The following WDFY4 variants were observed in gnomAD, a reference collection of about 807,000 sequenced individuals.
The protein encoded by WDFY4 is WD repeat- and FYVE domain-containing protein 4.
Under a neutral mutation model 351.9 loss-of-function variants are expected in WDFY4, and 169 were observed. The observed-to-expected ratio is 0.48, with a 90% CI of 0.42 to 0.55. The LOEUF is 0.55. Among genes scored for constraint, WDFY4 ranks in the 20% least tolerant of loss-of-function variants. The probability of loss-of-function intolerance (pLI) is 0.00; values close to 1 mark genes in which losing one functional copy is unlikely to be tolerated. For missense variants in WDFY4, 3,803 were observed against 3,935.6 expected (o/e 0.97, Z 0.90); for synonymous variants, 1,622 against 1,574.6 (o/e 1.03, Z -0.71).
chr10:48,865,360 T>C (rs1420799542), intron 39 of WDFY4, among the ~76,000 whole-genome samples: 1 of 152,220 alleles, frequency 6.6e-6, no homozygotes, highest in South Asian at 2.1e-4. Context: ...TATTATGTGG[T>C]GTAGTACATT....
Position 48,797,535 on chromosome 10 carries a change from A to T in WDFY4, c.4410+1085A>T, listed in dbSNP as rs114595187. Among the ~76,000 whole-genome samples, 591 of 152,360 alleles carry T rather than the reference A, an allele frequency of 3.9e-3. 4 individuals are homozygous for T. The highest frequency in any genetic ancestry group is 0.014 in the African/African-American group (568 of 41,582). On this transcript the variant is annotated intron_variant, in intron 24 of 61. Transcript: ENST00000325239. ...CATTTTTAAAATCATAGTCATGATTATACTGTAGGTTATTTTGAGTCTAGT... is the reference window on the plus strand; with the variant it reads ...CATTTTTAAAATCATAGTCATGATTTTACTGTAGGTTATTTTGAGTCTAGT...
Position 48,877,034 on chromosome 10 carries a change from T to C in WDFY4, c.7002T>C (p.Asp2334=). The C allele has an allele frequency of 6.8e-7, 1 of 1,481,032 alleles. No homozygotes were observed. The highest frequency in any genetic ancestry group is 9.0e-7 in the Non-Finnish European group (1 of 1,113,324). 91.7% of individuals were successfully genotyped at this position (1,481,032 alleles called of 1,614,324 possible). The change falls in exon 43 of 62, where the codon GAT becomes GAC. Residue 2334 remains aspartate (D), a splice_region_variant and synonymous_variant. Transcript: ENST00000325239. ...HISQTNAENQ[D]ELTLREAEGE... ...ACGTGTCCCTTTATGCTGCTGCAGA[T>C]GAACTGACACTGAGGGAGGCTGAGG...
intron 2 of WDFY4, among the ~76,000 whole-genome samples, chr10:48,716,643 C>A (rs188165938): frequency 6.6e-6 from 1 of 152,310 alleles, no homozygotes; most frequent in Admixed American, 6.5e-5. Context: ...AGGAAGGAGT[C>A]TGGGCCTTGG....
At chr10:48,745,855 C>T (rs973583180) in intron 12 of WDFY4, 1 of 322,366 alleles carries the variant, frequency 3.1e-6, no homozygotes, top group African/African-American at 2.2e-5. Flanking sequence ...GCAGCCTGGC[C>T]TCGCTGGGCC....
chr10:48,979,458 T>C (rs1299684683), intron 60 of WDFY4, among the ~76,000 whole-genome samples: 1 of 152,224 alleles, frequency 6.6e-6, no homozygotes, highest in South Asian at 2.1e-4. Context: ...ATGCCCACTT[T>C]TGAAGCTATT....
intron 35 of WDFY4, among the ~76,000 whole-genome samples, chr10:48,822,918 T>C (rs1029957077): frequency 1.3e-5 from 2 of 152,254 alleles, no homozygotes; most frequent in African/African-American, 4.8e-5. Context: ...ACAAGACCTA[T>C]TTTATTTTCT....
intron 39 of WDFY4, among the ~76,000 whole-genome samples, chr10:48,864,395 A>T (rs1432665640): frequency 6.6e-6 from 1 of 152,218 alleles, no homozygotes; most frequent in Non-Finnish European, 1.5e-5. Context: ...GAATATAGAC[A>T]AATTGTTTTA....
At chr10:48,927,677 G>A (rs1564497207) in intron 47 of WDFY4, among the ~76,000 whole-genome samples, 2 of 152,188 alleles carry the variant, frequency 1.3e-5, no homozygotes, top group Non-Finnish European at 2.9e-5. Flanking sequence ...TGTGCTGCCT[G>A]GAAAGCCGTT....
At chr10:48,835,541 C>T (rs561351241) in intron 39 of WDFY4, among the ~76,000 whole-genome samples, 45 of 152,276 alleles carry the variant, frequency 3.0e-4, no homozygotes, top group Admixed American at 2.7e-3. Context: ...GTCTCCCTCA[C>T]CTTTTAGCAC....
rs2066420492 is a variant in WDFY4 at position 48,786,862 on chromosome 10, A to G, written c.3800A>G (p.His1267Arg). ...PRYCGNFQAV[H>R]VQGEDLDSEA... ...TATTGTGGTAACTTCCAAGCTGTGCATGTCCAAGGTATGGAGTGTTTTGAT... is the reference window on the plus strand; with the variant it reads ...TATTGTGGTAACTTCCAAGCTGTGCGTGTCCAAGGTATGGAGTGTTTTGAT... The change falls in exon 20 of 62, where the codon CAT (histidine) becomes CGT (arginine). Residue 1267 changes from histidine to arginine, a missense_variant. Transcript: ENST00000325239. 4 of 1,551,848 alleles carry G rather than the reference A, an allele frequency of 2.6e-6. No homozygotes were observed. The highest frequency in any genetic ancestry group is 1.4e-5 in the African/African-American group (1 of 73,186).
At chr10:48,817,122 T>A in intron 31 of WDFY4, 123 bp from the exon 32 acceptor site, 1 of 1,199,692 alleles carries the variant, frequency 8.3e-7, no homozygotes, top group Non-Finnish European at 1.2e-6. Context: ...ATCTGCAGTC[T>A]TAAATAATGT....
At chr10:48,954,648 A>G (rs1841499366) in intron 51 of WDFY4, among the ~76,000 whole-genome samples, 1 of 152,140 alleles carries the variant, frequency 6.6e-6, no homozygotes, top group Admixed American at 6.5e-5. Context: ...GCTCGCTGGC[A>G]GCCACCAGAG....
chr10:48,695,912 G>A (rs952190154), intron 1 of WDFY4, among the ~76,000 whole-genome samples: 8 of 152,164 alleles, frequency 5.3e-5, no homozygotes, highest in Non-Finnish European at 8.8e-5. Context: ...CCTGTATTCC[G>A]TTGCTGTTGC....
At chr10:48,846,889 C>A (rs147176770) in intron 39 of WDFY4, among the ~76,000 whole-genome samples, 108 of 152,268 alleles carry the variant, frequency 7.1e-4, no homozygotes, top group African/African-American at 2.2e-3. Context: ...CCAGGGTGAC[C>A]TTTTTGCTCT....
intron 39 of WDFY4, among the ~76,000 whole-genome samples, chr10:48,858,803 A>G (rs1201064568): frequency 6.6e-6 from 1 of 152,190 alleles, no homozygotes; most frequent in African/African-American, 2.4e-5. Context: ...AAGAAATGAC[A>G]TATTTGTAGG....
chr10:48,771,704 C>G (rs2065870828), intron 13 of WDFY4, among the ~76,000 whole-genome samples: 1 of 152,206 alleles, frequency 6.6e-6, no homozygotes, highest in African/African-American at 2.4e-5. Context: ...TCAAACTGTG[C>G]TGGGACAATG....
chr10:48,913,494 AGGTTGTCCCG>A (rs760729308), intron 47 of WDFY4: 34 of 1,613,720 alleles, frequency 2.1e-5, no homozygotes, highest in Non-Finnish European at 2.8e-5. Flanking sequence ...GATTCTATTC[AGGTTGTCCCG>A]GGCGTTTTGG....
chr10:48,690,257 A>G (rs4614358), intron 1 of WDFY4, among the ~76,000 whole-genome samples: 41,008 of 152,168 alleles, frequency 0.27, 5,687 homozygotes, highest in Middle Eastern at 0.37. Context: ...AGGATGCTCC[A>G]TGGTCACTAG....
intron 1 of WDFY4, among the ~76,000 whole-genome samples, chr10:48,699,466 T>C (rs1159654132): frequency 1.3e-5 from 2 of 151,464 alleles, no homozygotes; most frequent in African/African-American, 4.9e-5. Flanking sequence ...CAGTGGAGAG[T>C]GGGGAGAGGA....
Sources: gnomAD v4.1 joint callset for allele counts (sites outside exome capture counted in the v4.1 genomes callset) on GRCh38, gnomAD v4.1.1 for gene constraint, MANE v1.5 for transcripts, NCBI Gene and HGNC (gene_info 2026-07-23, HGNC 2026-07-21) for gene names.